The following FBXL7 variants were observed in gnomAD, a reference collection of about 807,000 sequenced individuals.
FBXL7 encodes F-box and leucine rich repeat protein 7.
Under a neutral mutation model 38.3 loss-of-function variants are expected in FBXL7, and 12 were observed. The ratio of observed to expected loss-of-function variants is 0.31; its 90% CI spans 0.20 to 0.51. The LOEUF is 0.51. FBXL7 is among the 20% of genes least tolerant of loss of function. The pLI, the probability that FBXL7 is intolerant of heterozygous loss-of-function variation, is 0.98. For missense variants in FBXL7, 567 were observed against 676.4 expected, an observed-to-expected ratio of 0.84 and a Z score of 1.79; for synonymous variants, 297 against 300.9, an observed-to-expected ratio of 0.99 and a Z score of 0.13.
intron 2 of FBXL7, among the ~76,000 whole-genome samples, chr5:15,773,482 A>G (rs1736781614): frequency 6.6e-6 from 1 of 151,710 alleles, no homozygotes; most frequent in South Asian, 2.1e-4. Context: ...CATCTCTACT[A>G]AATTTTTTTT....
chr5:15,862,209 C>T (rs545459322), intron 2 of FBXL7, among the ~76,000 whole-genome samples: 1 of 152,262 alleles, frequency 6.6e-6, no homozygotes, highest in African/African-American at 2.4e-5. Context: ...CCATACTGTT[C>T]TCGTGGTAGT....
At chr5:15,925,778 T>C (rs1189918330) in intron 2 of FBXL7, among the ~76,000 whole-genome samples, 1 of 152,240 alleles carries the variant, frequency 6.6e-6, no homozygotes, top group Non-Finnish European at 1.5e-5. Flanking sequence ...TGTGTAGCTA[T>C]ATAGATACAT....
intron 1 of FBXL7, among the ~76,000 whole-genome samples, chr5:15,571,278 A>G (rs1002369279): frequency 6.6e-6 from 1 of 152,044 alleles, no homozygotes; most frequent in Non-Finnish European, 1.5e-5. Context: ...GCAGTATAGA[A>G]ACTGTGATAA....
intron 2 of FBXL7, among the ~76,000 whole-genome samples, chr5:15,718,170 G>T (rs942297993): frequency 6.6e-6 from 1 of 152,102 alleles, no homozygotes; most frequent in Admixed American, 6.6e-5. Flanking sequence ...ACACACAGCC[G>T]TGTATATATG....
intron 2 of FBXL7, among the ~76,000 whole-genome samples, chr5:15,816,114 T>C (rs1738006460): frequency 6.6e-6 from 1 of 151,998 alleles, no homozygotes; most frequent in Non-Finnish European, 1.5e-5. Context: ...AATTAACTGG[T>C]GGAAAAGGAA....
At chr5:15,891,884 T>C (rs1007014805) in intron 2 of FBXL7, among the ~76,000 whole-genome samples, 9 of 152,186 alleles carry the variant, frequency 5.9e-5, no homozygotes, top group Non-Finnish European at 1.0e-4. Flanking sequence ...TGTTGGAACT[T>C]AGCAAGAGCT....
chr5:15,893,848 A>G (rs1242128724), intron 2 of FBXL7, among the ~76,000 whole-genome samples: 3 of 152,250 alleles, frequency 2.0e-5, no homozygotes, highest in South Asian at 2.1e-4. Context: ...CTCAGGTTCA[A>G]TGCATACGCC....
At chr5:15,617,674 G>A (rs1034484321) in intron 2 of FBXL7, among the ~76,000 whole-genome samples, 6 of 152,064 alleles carry the variant, frequency 3.9e-5, no homozygotes, top group African/African-American at 1.2e-4. Flanking sequence ...CCTGACCTCA[G>A]GTGATCCACC....
At chr5:15,639,004 A>G (rs946184315) in intron 2 of FBXL7, among the ~76,000 whole-genome samples, 2 of 152,228 alleles carry the variant, frequency 1.3e-5, no homozygotes, top group Non-Finnish European at 2.9e-5. Flanking sequence ...TGGTCGAATT[A>G]GAAAATGAGC....
intron 2 of FBXL7, among the ~76,000 whole-genome samples, chr5:15,837,847 A>G (rs1014699246): frequency 2.0e-5 from 3 of 152,160 alleles, no homozygotes; most frequent in Admixed American, 6.6e-5. Context: ...CTCTGTTCTC[A>G]GTGGTCATTT....
chr5:15,915,668 T>C (rs1382509387), intron 2 of FBXL7, among the ~76,000 whole-genome samples: 1 of 152,194 alleles, frequency 6.6e-6, no homozygotes, highest in East Asian at 1.9e-4. Context: ...GGGGACGCAA[T>C]TCAACCCGTA....
At chr5:15,541,501 A>G (rs1406980708) in intron 1 of FBXL7, among the ~76,000 whole-genome samples, 2 of 113,906 alleles carry the variant, frequency 1.8e-5, no homozygotes, top group African/African-American at 6.7e-5. Flanking sequence ...CCACAGAAGT[A>G]TTGTTCCCAT....
At chr5:15,746,064 A>G (rs143423215) in intron 2 of FBXL7, among the ~76,000 whole-genome samples, 1 of 152,270 alleles carries the variant, frequency 6.6e-6, no homozygotes, top group Non-Finnish European at 1.5e-5. Flanking sequence ...TTAGAGCCAG[A>G]GCCTTCAGAA....
chr5:15,571,258 C>T (rs895127144), intron 1 of FBXL7, among the ~76,000 whole-genome samples: 4 of 152,032 alleles, frequency 2.6e-5, no homozygotes, highest in Admixed American at 6.6e-5. Flanking sequence ...TAAACAATGC[C>T]GCCTCACTAG....
chr5:15,710,509 C>T (rs1743829561), intron 2 of FBXL7, among the ~76,000 whole-genome samples: 1 of 152,120 alleles, frequency 6.6e-6, no homozygotes, highest in African/African-American at 2.4e-5. Flanking sequence ...CAAAAAAACA[C>T]ACTCTTGCTT....
chr5:15,814,345 C>T (rs1229668089), intron 2 of FBXL7, among the ~76,000 whole-genome samples: 1 of 152,132 alleles, frequency 6.6e-6, no homozygotes, highest in African/African-American at 2.4e-5. Context: ...CCAAACACTG[C>T]ATGTTCTCAC....
At chr5:15,565,550 AAATTAAT>A (rs1280246510) in intron 1 of FBXL7, among the ~76,000 whole-genome samples, 2 of 151,098 alleles carry the variant, frequency 1.3e-5, no homozygotes, top group African/African-American at 4.8e-5. Flanking sequence ...TTATATATAT[AAATTAAT>A]AATTGTGCCA....
intron 2 of FBXL7, among the ~76,000 whole-genome samples, chr5:15,826,559 C>T (rs1473923803): frequency 3.3e-5 from 5 of 152,252 alleles, no homozygotes; most frequent in South Asian, 2.1e-4. Context: ...GCTGGGATTA[C>T]AGGCACCTGC....
At chr5:15,848,528 C>T (rs1377616576) in intron 2 of FBXL7, among the ~76,000 whole-genome samples, 1 of 152,028 alleles carries the variant, frequency 6.6e-6, no homozygotes, top group African/African-American at 2.4e-5. Context: ...ATTACCAGCA[C>T]CTGCCACCAC....
Sources: gnomAD v4.1 joint callset for allele counts (sites outside exome capture counted in the v4.1 genomes callset) on GRCh38, gnomAD v4.1.1 for gene constraint, MANE v1.5 for transcripts, NCBI Gene and HGNC (gene_info 2026-07-23, HGNC 2026-07-21) for gene names.